CCDC85C: variants seen among roughly 807,000 people sequenced by gnomAD.
The protein encoded by CCDC85C is coiled-coil domain containing 85C, also known as coiled-coil domain-containing protein 85C.
Under a neutral mutation model 38.3 loss-of-function variants are expected in CCDC85C, and 18 were observed. The observed-to-expected ratio is 0.47, with a 90% CI of 0.33 to 0.70. The LOEUF (loss-of-function observed/expected upper bound fraction) is 0.70. Ranked by LOEUF, CCDC85C falls within the 30% of genes least tolerant of loss-of-function variation. The probability of loss-of-function intolerance (pLI) is 0.03; values close to 1 mark genes in which losing one functional copy is unlikely to be tolerated. For synonymous variants in CCDC85C, 264 were observed against 293.8 expected, an observed-to-expected ratio of 0.90 and a Z score of 1.04; for missense variants, 566 against 621.2, an observed-to-expected ratio of 0.91 and a Z score of 0.94.
chr14:99,582,124 G>A (rs2054978669), intron 1 of CCDC85C, among the ~76,000 whole-genome samples: 1 of 152,176 alleles, frequency 6.6e-6, no homozygotes, highest in South Asian at 2.1e-4. Context: ...GGGGCGGGGG[G>A]ATGCTGGCAG....
chr14:99,543,489 G>A (rs1400845818), intron 1 of CCDC85C, among the ~76,000 whole-genome samples: 1 of 152,190 alleles, frequency 6.6e-6, no homozygotes, highest in South Asian at 2.1e-4. Context: ...AGGAGGCGCA[G>A]CCCAGGAGAG....
At chr14:99,527,454 A>G (rs1260022034) in intron 2 of CCDC85C, among the ~76,000 whole-genome samples, 1 of 152,106 alleles carries the variant, frequency 6.6e-6, no homozygotes, top group Non-Finnish European at 1.5e-5. Flanking sequence ...GGACGGGGAG[A>G]AGGGGACAGA....
intron 2 of CCDC85C, 82 bp from the exon 3 acceptor site, chr14:99,522,322 G>T: frequency 1.9e-6 from 2 of 1,062,168 alleles, no homozygotes; most frequent in Non-Finnish European, 2.7e-6. Context: ...CCTCACGGCA[G>T]CAGGGGCTGC....
chr14:99,570,948 C>T (rs960430980), intron 1 of CCDC85C, among the ~76,000 whole-genome samples: 5 of 152,154 alleles, frequency 3.3e-5, no homozygotes, highest in African/African-American at 1.2e-4. Flanking sequence ...CCACCCCTGC[C>T]TCCCAGATCC....
Position 99,547,231 on chromosome 14 carries a change from G to A in CCDC85C, c.794-11143C>T, listed in dbSNP as rs146750318. On this transcript the variant is annotated intron_variant, in intron 1 of 5. Coordinates refer to ENST00000380243, the MANE Select transcript of CCDC85C (RefSeq NM_001144995.2). ...AAATAATAAAAATAACAAAAACTTC[G>A]GCTTTTCTTATATTACAGGAAAGAA... Among the ~76,000 whole-genome samples the A allele has an allele frequency of 6.9e-3, 1,049 of 152,042 alleles. 4 individuals are homozygous for A. The highest frequency in any genetic ancestry group is 0.011 in the Admixed American group (170 of 15,262).
intron 3 of CCDC85C, among the ~76,000 whole-genome samples, chr14:99,519,243 G>A (rs945434189): frequency 6.8e-5 from 10 of 145,988 alleles, no homozygotes; most frequent in Admixed American, 1.4e-4. Flanking sequence ...AGCTTCCAGC[G>A]TAGTTGGAAC....
chr14:99,599,882 TAATA>T (rs939098835), intron 1 of CCDC85C, among the ~76,000 whole-genome samples: 2 of 152,172 alleles, frequency 1.3e-5, no homozygotes, highest in African/African-American at 2.4e-5. Flanking sequence ...TCTAAATAAA[TAATA>T]AATAAATAAA....
At chr14:99,525,627 G>A (rs1249366032) in intron 2 of CCDC85C, among the ~76,000 whole-genome samples, 4 of 152,354 alleles carry the variant, frequency 2.6e-5, no homozygotes, top group East Asian at 1.9e-4. Context: ...CAGGCACCAC[G>A]CTGTGCCCCA....
At chr14:99,517,975 C>A (rs1052063850) in intron 3 of CCDC85C, among the ~76,000 whole-genome samples, 1 of 152,212 alleles carries the variant, frequency 6.6e-6, no homozygotes, top group African/African-American at 2.4e-5. Flanking sequence ...CCCAGCGGTG[C>A]CCTGTGGGCC....
rs530573814 is a variant in CCDC85C at position 99,500,280 on chromosome 14, A to G, written c.*14966T>C. ...TGCACGTAATACACTATATGTGTAC[A>G]TGAGTATATATACACACACATACAC... On this transcript the variant is annotated 3_prime_UTR_variant, in exon 6 of 6. Coordinates refer to ENST00000380243, the MANE Select transcript of CCDC85C (RefSeq NM_001144995.2). 42 of 157,790 alleles carry G rather than the reference A, an allele frequency of 2.7e-4. No individual in the cohort carries two copies. The highest frequency in any genetic ancestry group is 5.0e-4 in the Non-Finnish European group (36 of 71,740). The allele number at this position is 157,790 out of a possible 1,614,324, so 9.8% of individuals were successfully genotyped here.
chr14:99,536,855 A>C (rs951677797), intron 1 of CCDC85C, among the ~76,000 whole-genome samples: 3 of 151,910 alleles, frequency 2.0e-5, no homozygotes, highest in Non-Finnish European at 4.4e-5. Flanking sequence ...AAAAAATCCC[A>C]TCCCCACCCC....
Position 99,569,193 on chromosome 14 carries a change from C to T in CCDC85C, c.794-33105G>A. ...AATAAAGCAGTAAGGCCCACGTCGA[C>T]CCATCTTCGTGAAGGAAGACCTAAA... On this transcript the variant is annotated intron_variant, in intron 1 of 5. Coordinates refer to ENST00000380243, the MANE Select transcript of CCDC85C (RefSeq NM_001144995.2). This position sits in a 1 kb window ranked among gnomAD's most constrained non-coding sequence, Gnocchi z 4.3. Among the ~76,000 whole-genome samples, 1 of 152,180 alleles carries T rather than the reference C, an allele frequency of 6.6e-6. No individual in the cohort carries two copies. Among genetic ancestry groups the T allele is most frequent in the Non-Finnish European group, 1.5e-5 (1 of 67,996 alleles).
intron 2 of CCDC85C, among the ~76,000 whole-genome samples, chr14:99,524,910 G>A (rs1195601009): frequency 1.3e-5 from 2 of 152,194 alleles, no homozygotes; most frequent in African/African-American, 4.8e-5. Flanking sequence ...CCAGGGAGAA[G>A]GGATCTTACA....
intron 1 of CCDC85C, among the ~76,000 whole-genome samples, chr14:99,551,511 G>A (rs530661586): frequency 1.3e-5 from 2 of 151,568 alleles, no homozygotes; most frequent in Non-Finnish European, 2.9e-5. Flanking sequence ...GCAGGTGGGT[G>A]TGCAGGTGAG....
At chr14:99,523,642 G>C (rs1391998800) in intron 2 of CCDC85C, among the ~76,000 whole-genome samples, 1 of 152,220 alleles carries the variant, frequency 6.6e-6, no homozygotes, top group Non-Finnish European at 1.5e-5. Context: ...GCTGCTTCCT[G>C]GGCCTCAGGG....
rs1248761751 is a variant in CCDC85C at position 99,558,008 on chromosome 14, A to G, written c.794-21920T>C. Among the ~76,000 whole-genome samples, 1 of 152,232 alleles carries G rather than the reference A, an allele frequency of 6.6e-6. No individual in the cohort carries two copies. The highest frequency in any genetic ancestry group is 6.5e-5 in the Admixed American group (1 of 15,284). ...AATAGCTGAAAGGATGAAATATCACAGAAGAAAGTGCGTGTGCAGCTTAAT... is the reference window on the plus strand; with the variant it reads ...AATAGCTGAAAGGATGAAATATCACGGAAGAAAGTGCGTGTGCAGCTTAAT... On this transcript the variant is annotated intron_variant, in intron 1 of 5. Coordinates refer to ENST00000380243, the MANE Select transcript of CCDC85C (RefSeq NM_001144995.2). The surrounding 1 kb of genome is among the most constrained non-coding windows in gnomAD (Gnocchi z 4.2).
chr14:99,527,057 C>G (rs1021046192), intron 2 of CCDC85C, among the ~76,000 whole-genome samples: 1 of 152,186 alleles, frequency 6.6e-6, no homozygotes, highest in African/African-American at 2.4e-5. Flanking sequence ...GGCTGTGCAG[C>G]GTAGCACAGA....
intron 1 of CCDC85C, among the ~76,000 whole-genome samples, chr14:99,561,419 C>T (rs1238654229): frequency 6.6e-6 from 1 of 152,184 alleles, no homozygotes; most frequent in Non-Finnish European, 1.5e-5. Context: ...AGGGGTGGGG[C>T]CTGGGCACCT....
chr14:99,604,164 G>C lies in CCDC85C; in HGVS notation c.-205C>G, dbSNP rs2055247420. The C allele has an allele frequency of 6.0e-6, 2 of 334,728 alleles. No individual in the cohort carries two copies. Among genetic ancestry groups the C allele is most frequent in the African/African-American group, 4.5e-5 (2 of 44,522 alleles). The allele number at this position is 334,728 out of a possible 1,614,324, so 20.7% of individuals were successfully genotyped here. A position where few individuals can be genotyped will look rare whatever the true frequency, so the allele number is the denominator to read the frequency against. On this transcript the variant is annotated 5_prime_UTR_variant, in exon 1 of 6. Transcript: ENST00000380243. ...GCCTCGGGGTTGACGAGCGGAGGCG[G>C]CTGCTGCGTCGGCGGCCGCGGTGCC...
Sources: allele counts gnomAD v4.1 joint callset (sites outside exome capture counted in the v4.1 genomes callset), GRCh38; gene constraint gnomAD v4.1.1; non-coding constraint Gnocchi (gnomAD v3.1); transcripts MANE v1.5; gene names NCBI Gene and HGNC (gene_info 2026-07-23, HGNC 2026-07-21).